Variants in EPHB2 observed in about 807,000 individuals in gnomAD.
EPHB2 encodes the protein EPH receptor B2.
A neutral mutation model predicts 96.4 loss-of-function variants in EPHB2; 18 were observed. The observed-to-expected ratio is 0.19, with a 90% CI of 0.13 to 0.28. The LOEUF (loss-of-function observed/expected upper bound fraction) is 0.28, where lower values mean the gene tolerates loss of function less well. Among genes scored for constraint, EPHB2 ranks in the 10% least tolerant of loss-of-function variants. The probability of loss-of-function intolerance (pLI) is 1.00; values close to 1 mark genes in which losing one functional copy is unlikely to be tolerated. For missense variants in EPHB2, 989 were observed against 1,355.4 expected, an observed-to-expected ratio of 0.73 and a Z score of 4.25; for synonymous variants, 506 against 534.1, an observed-to-expected ratio of 0.95 and a Z score of 0.72.
At chr1:22,805,161 G>A (rs539410906) in intron 3 of EPHB2, among the ~76,000 whole-genome samples, 5 of 151,748 alleles carry the variant, frequency 3.3e-5, no homozygotes, top group South Asian at 2.1e-4. Context: ...CCATGCACCC[G>A]GAGTCCACAC....
At chr1:22,747,976 T>G (rs1644001323) in intron 1 of EPHB2, among the ~76,000 whole-genome samples, 1 of 152,114 alleles carries the variant, frequency 6.6e-6, no homozygotes, top group Admixed American at 6.5e-5. Context: ...AGAACCACAT[T>G]TAAGGGCCTG....
chr1:22,780,125 G>A (rs917272213), intron 1 of EPHB2, among the ~76,000 whole-genome samples: 8 of 152,236 alleles, frequency 5.3e-5, no homozygotes, highest in Non-Finnish European at 7.3e-5. Context: ...ATGAACGCTT[G>A]AAAGGGGTCC....
chr1:22,711,387 C>T (rs1643137261), intron 1 of EPHB2, among the ~76,000 whole-genome samples: 1 of 148,710 alleles, frequency 6.7e-6, no homozygotes, highest in Non-Finnish European at 1.5e-5. Flanking sequence ...GGTCTTGCTC[C>T]GCACAGGGTG....
intron 3 of EPHB2, among the ~76,000 whole-genome samples, chr1:22,834,626 A>G (rs1053359105): frequency 6.9e-6 from 1 of 145,624 alleles, no homozygotes; most frequent in South Asian, 2.1e-4. Context: ...CTTTATTTTC[A>G]AAAAAAAAAA....
At chr1:22,861,978 G>A (rs1214907580) in intron 3 of EPHB2, among the ~76,000 whole-genome samples, 1 of 152,182 alleles carries the variant, frequency 6.6e-6, no homozygotes, top group Non-Finnish European at 1.5e-5. Flanking sequence ...TTGCAAAGCT[G>A]TTTCCTGTCC....
At chr1:22,831,176 C>G (rs1011843937) in intron 3 of EPHB2, among the ~76,000 whole-genome samples, 8 of 152,122 alleles carry the variant, frequency 5.3e-5, no homozygotes, top group African/African-American at 1.9e-4. Flanking sequence ...TGAAGAACAG[C>G]AGGTCCACTG....
intron 3 of EPHB2, among the ~76,000 whole-genome samples, chr1:22,829,453 G>T (rs865778949): frequency 6.6e-6 from 1 of 152,244 alleles, no homozygotes; most frequent in African/African-American, 2.4e-5. Context: ...AAGCCAGGGT[G>T]TAAGACCATG....
At chr1:22,735,652 T>G (rs1407044721) in intron 1 of EPHB2, among the ~76,000 whole-genome samples, 1 of 152,142 alleles carries the variant, frequency 6.6e-6, no homozygotes, top group African/African-American at 2.4e-5. Context: ...TTGAGGGCCC[T>G]GGGTAGAGCC....
At chr1:22,775,576 C>T (rs533393912) in intron 1 of EPHB2, among the ~76,000 whole-genome samples, 23 of 152,382 alleles carry the variant, frequency 1.5e-4, no homozygotes, top group Non-Finnish European at 2.2e-4. Context: ...TTCAGCCCAA[C>T]GCTAACGACT....
chr1:22,786,299 T>G (rs1644609757), intron 3 of EPHB2, among the ~76,000 whole-genome samples: 1 of 152,120 alleles, frequency 6.6e-6, no homozygotes. Flanking sequence ...TGAGATGATG[T>G]GTACAAAGCC....
At chr1:22,711,343 GC>G (rs1217665293) in intron 1 of EPHB2, among the ~76,000 whole-genome samples, 2 of 148,152 alleles carry the variant, frequency 1.3e-5, no homozygotes, top group African/African-American at 2.4e-5. Flanking sequence ...CGCGCTCGCC[GC>G]CCCCGGCTCG....
chr1:22,777,873 G>A (rs1302950076), intron 1 of EPHB2, among the ~76,000 whole-genome samples: 1 of 152,204 alleles, frequency 6.6e-6, no homozygotes, highest in Non-Finnish European at 1.5e-5. Context: ...TCTAAAAACA[G>A]CAGCTATTAC....
At position 22,784,989 on chromosome 1, in the gene EPHB2, A is replaced by C. The variant is rs760169459; in HGVS notation, c.724A>C (p.Asn242His). The C allele has an allele frequency of 1.2e-6, 2 of 1,614,048 alleles. No homozygotes were observed. The highest frequency in any genetic ancestry group is 1.7e-6 in the Non-Finnish European group (2 of 1,180,044). ...EVDVPIKLYC[N>H]GDGEWLVPIG... ...GGATGTACCCATCAAGCTCTACTGT[A>C]ACGGGGACGGCGAGTGGCTGGTGCC... Residue 242 changes from asparagine to histidine, a missense_variant, in exon 3 of 16, where the codon AAC becomes CAC. Transcript: ENST00000374630. This position sits in a 1 kb window ranked among gnomAD's most constrained non-coding sequence, Gnocchi z 5.1.
At chr1:22,735,291 TAGTC>T (rs966538587) in intron 1 of EPHB2, among the ~76,000 whole-genome samples, 25 of 151,768 alleles carry the variant, frequency 1.6e-4, no homozygotes, top group African/African-American at 5.8e-4. Context: ...TTTTTTTAAT[TAGTC>T]AGGCATGGTG....
intron 1 of EPHB2, among the ~76,000 whole-genome samples, chr1:22,711,265 A>C (rs570105595): frequency 1.4e-3 from 207 of 147,278 alleles, no homozygotes; most frequent in African/African-American, 4.7e-3. Flanking sequence ...GAGGAGGCGA[A>C]GGGACCATCT....
intron 1 of EPHB2, among the ~76,000 whole-genome samples, chr1:22,713,579 G>T (rs912250579): frequency 2.6e-5 from 4 of 151,988 alleles, no homozygotes; most frequent in African/African-American, 4.8e-5. Context: ...TGCACATTTG[G>T]GGGGCGGTGC....
At position 22,919,370 on chromosome 1, in the gene EPHB2, A is replaced by G. The variant is rs553242799; in HGVS notation, c.*5800A>G. On this transcript the variant is annotated 3_prime_UTR_variant, in exon 16 of 16. Coordinates refer to ENST00000374630, the MANE Select transcript of EPHB2 (RefSeq NM_017449.5). ...GAAAATTAGAAAGACCCTCAGACCC[A>G]GAGTCTGTCTGAGTTTAGCTTCGCA... is the stretch of plus-strand genomic sequence containing the variant. 2 of 152,394 alleles carry G rather than the reference A, an allele frequency of 1.3e-5. No homozygotes were observed. Among genetic ancestry groups the G allele is most frequent in the Non-Finnish European group, 2.9e-5 (2 of 68,068 alleles). 9.4% of individuals were successfully genotyped at this position (152,394 alleles called of 1,614,324 possible). A position where few individuals can be genotyped will look rare whatever the true frequency, so the allele number is the denominator to read the frequency against.
intron 2 of EPHB2, 130 bp downstream of exon 2, chr1:22,781,615 C>A: frequency 2.4e-6 from 2 of 828,014 alleles, no homozygotes; most frequent in South Asian, 1.5e-5. Context: ...CCTCTCTCAG[C>A]CCCACCCTCC....
intron 1 of EPHB2, among the ~76,000 whole-genome samples, chr1:22,747,979 A>C (rs1481955966): frequency 6.6e-6 from 1 of 152,202 alleles, no homozygotes; most frequent in Non-Finnish European, 1.5e-5. Context: ...ACCACATTTA[A>C]GGGCCTGGCA....
Sources: gnomAD v4.1 joint callset for allele counts (sites outside exome capture counted in the v4.1 genomes callset) on GRCh38, gnomAD v4.1.1 for gene constraint, Gnocchi (gnomAD v3.1) non-coding constraint, MANE v1.5 for transcripts, NCBI Gene and HGNC (gene_info 2026-07-23, HGNC 2026-07-21) for gene names.